The following XYLB variants were observed in gnomAD, a reference collection of about 807,000 sequenced individuals.
XYLB encodes the protein xylulose kinase.
Under a neutral mutation model 78.7 loss-of-function variants are expected in XYLB, and 62 were observed. The ratio of observed to expected loss-of-function variants is 0.79; its 90% CI spans 0.64 to 0.97. The LOEUF is 0.97. Among genes scored for constraint, XYLB ranks in the 50% least tolerant of loss-of-function variants. The pLI is 0.00. For missense variants in XYLB, 687 were observed against 676.8 expected, an observed-to-expected ratio of 1.02 and a Z score of -0.17; for synonymous variants, 245 against 247.4, an observed-to-expected ratio of 0.99 and a Z score of 0.09.
At chr3:38,418,243 G>A (rs1364069222), downstream of XYLB, among the ~76,000 whole-genome samples, 1 of 149,824 alleles carries the variant, frequency 6.7e-6, no homozygotes, top group Admixed American at 6.7e-5. Flanking sequence ...ATGTATCTAT[G>A]TATCAGAAAA....
chr3:38,371,677 C>T (rs549080756), intron 9 of XYLB, among the ~76,000 whole-genome samples: 39 of 152,288 alleles, frequency 2.6e-4, no homozygotes, highest in African/African-American at 8.9e-4. Flanking sequence ...TGTGAACCAC[C>T]GTGCTCGGCC....
chr3:38,374,792 T>C (rs1236852371), intron 11 of XYLB, among the ~76,000 whole-genome samples: 2 of 152,122 alleles, frequency 1.3e-5, no homozygotes, highest in African/African-American at 4.8e-5. Context: ...GGGTCAGATG[T>C]GGGGCCAAAG....
the XYLB span, chr3:38,452,187 C>G: frequency 1.3e-5 from 2 of 152,168 alleles, no homozygotes; most frequent in East Asian, 3.9e-4. Context: ...GCTTGGCACA[C>G]AGTCGCATAG....
chr3:38,398,338 C>T (rs1707975076), intron 17 of XYLB, among the ~76,000 whole-genome samples: 1 of 151,562 alleles, frequency 6.6e-6, no homozygotes, highest in Non-Finnish European at 1.5e-5. Context: ...CATAGTGGCA[C>T]ACACCTGTAG....
At chr3:38,406,313 T>A (rs879502707) in intron 18 of XYLB, among the ~76,000 whole-genome samples, 1 of 152,222 alleles carries the variant, frequency 6.6e-6, no homozygotes, top group Non-Finnish European at 1.5e-5. Context: ...CCAACAGACC[T>A]GCAGCTGAGG....
intron 17 of XYLB, among the ~76,000 whole-genome samples, chr3:38,400,008 C>G (rs538209710): frequency 3.5e-4 from 54 of 152,296 alleles, no homozygotes; most frequent in African/African-American, 1.3e-3. Flanking sequence ...CTGGGATTTT[C>G]TAGCATTTGG....
downstream of XYLB, among the ~76,000 whole-genome samples, chr3:38,418,753 G>C (rs1430955012): frequency 1.3e-5 from 2 of 152,066 alleles, no homozygotes; most frequent in East Asian, 3.9e-4. Context: ...TAAATTATTT[G>C]ATATTTCAAA....
chr3:38,435,008 G>A, the XYLB span, among the ~76,000 whole-genome samples: 1 of 152,120 alleles, frequency 6.6e-6, no homozygotes, highest in Admixed American at 6.5e-5. Flanking sequence ...GTGGTGGTAC[G>A]TGCCTGTAAT....
chr3:38,371,699 A>T (rs1002774446), intron 9 of XYLB, among the ~76,000 whole-genome samples: 1 of 152,136 alleles, frequency 6.6e-6, no homozygotes, highest in African/African-American at 2.4e-5. Flanking sequence ...TTTTTCTTGT[A>T]TGATTCACAC....
the XYLB span, among the ~76,000 whole-genome samples, chr3:38,444,851 G>A: frequency 6.6e-6 from 1 of 151,342 alleles, no homozygotes; most frequent in African/African-American, 2.4e-5. Flanking sequence ...GGACCCTGCT[G>A]ATCAGAATAG....
At chr3:38,382,157 C>T (rs1240117383) in intron 15 of XYLB, among the ~76,000 whole-genome samples, 1 of 152,064 alleles carries the variant, frequency 6.6e-6, no homozygotes. Flanking sequence ...GCAGGTTCCC[C>T]GATAATGGTG....
chr3:38,434,890 T>C, the XYLB span, among the ~76,000 whole-genome samples: 2 of 152,154 alleles, frequency 1.3e-5, no homozygotes, highest in African/African-American at 2.4e-5. Flanking sequence ...CCCAACACTT[T>C]GGGAGGCAGA....
intron 15 of XYLB, among the ~76,000 whole-genome samples, chr3:38,381,945 C>T (rs547842978): frequency 8.7e-4 from 133 of 152,302 alleles, no homozygotes; most frequent in African/African-American, 3.1e-3. Context: ...CACACCTATT[C>T]GCACACTCCC....
downstream of XYLB, among the ~76,000 whole-genome samples, chr3:38,422,163 G>T (rs960182633): frequency 6.6e-6 from 1 of 152,216 alleles, no homozygotes; most frequent in African/African-American, 2.4e-5. Flanking sequence ...GATGCCAGCG[G>T]TATGGCAGGA....
chr3:38,450,758 C>T, the XYLB span, among the ~76,000 whole-genome samples: 1 of 152,120 alleles, frequency 6.6e-6, no homozygotes, highest in African/African-American at 2.4e-5. Flanking sequence ...ACTTTGGTTA[C>T]TATATGGAAG....
intron 2 of XYLB, among the ~76,000 whole-genome samples, chr3:38,354,405 CTGTT>C (rs910170770): frequency 3.3e-5 from 5 of 151,462 alleles, no homozygotes; most frequent in East Asian, 1.9e-4. Flanking sequence ...TTGGTCCCCT[CTGTT>C]TGTTTTTTTT....
chr3:38,365,536 A>G lies in XYLB; in HGVS notation c.379-72A>G, dbSNP rs1394568413. 4 of 1,547,772 alleles carry G rather than the reference A, an allele frequency of 2.6e-6. No individual in the cohort carries two copies. In the African/African-American group the frequency reaches 5.4e-5, roughly 21 times the overall value. On this transcript the variant is annotated intron_variant, in intron 5 of 18. Transcript: ENST00000207870. The stretch of plus-strand genomic sequence containing the variant: ...CATGACTGCCGTGATGGGCAGTGTG[A>G]CCGCCAGCCCTGGGGCAGATCTCCA...
At chr3:38,451,869 T>G in the XYLB span, 1 of 152,294 alleles carries the variant, frequency 6.6e-6, no homozygotes, top group Non-Finnish European at 1.5e-5. Flanking sequence ...AAATTTGGGG[T>G]TCCCAGACAG....
rs1181002716 is a variant in XYLB, at chr3:38,411,084, A to G, written c.1534-1852A>G. ...CTGCTATAAAGACACATGCAGACAT[A>G]TGTTTATTGCGGCACTATTCACAAT... On this transcript the variant is annotated intron_variant, in intron 18 of 18. Coordinates refer to ENST00000207870, the MANE Select transcript of XYLB (RefSeq NM_005108.4). 3.3e-5 allele frequency among the ~76,000 whole-genome samples: 5 copies of G among 152,218 alleles called. No homozygotes were observed. The South Asian group carries it at 1.0e-3, about 32-fold the overall frequency.
Sources: gnomAD v4.1 joint callset for allele counts (sites outside exome capture counted in the v4.1 genomes callset) on GRCh38, gnomAD v4.1.1 for gene constraint, MANE v1.5 for transcripts, NCBI Gene and HGNC (gene_info 2026-07-23, HGNC 2026-07-21) for gene names.